NELL1: variants seen among roughly 807,000 people sequenced by gnomAD.
The protein encoded by NELL1 is protein kinase C-binding protein NELL1.
Under a neutral mutation model 107.4 loss-of-function variants are expected in NELL1, and 76 were observed. The ratio of observed to expected loss-of-function variants is 0.71; its 90% CI spans 0.59 to 0.86. The LOEUF (loss-of-function observed/expected upper bound fraction) is 0.86. Among genes scored for constraint, NELL1 ranks in the 40% least tolerant of loss-of-function variants. The pLI is 0.00. For synonymous variants in NELL1, 353 were observed against 341.2 expected (o/e 1.03, Z -0.38); for missense variants, 1,024 against 1,005.5 (o/e 1.02, Z -0.25).
intron 15 of NELL1, among the ~76,000 whole-genome samples, chr11:21,480,746 G>A (rs1444122746): frequency 6.6e-6 from 1 of 152,186 alleles, no homozygotes; most frequent in Non-Finnish European, 1.5e-5. Flanking sequence ...TTGTGCCAGA[G>A]AGGGGCAAAG....
chr11:21,356,604 A>G (rs1286102275), intron 14 of NELL1, among the ~76,000 whole-genome samples: 1 of 152,200 alleles, frequency 6.6e-6, no homozygotes, highest in Admixed American at 6.5e-5. Context: ...CTATATTACT[A>G]GAGCATATAA....
chr11:21,218,783 C>T (rs1857681054), intron 13 of NELL1, among the ~76,000 whole-genome samples: 1 of 152,074 alleles, frequency 6.6e-6, no homozygotes, highest in African/African-American at 2.4e-5. Flanking sequence ...AACATAATGT[C>T]TTCAAAGCTC....
At chr11:20,724,675 C>T (rs939146346) in intron 2 of NELL1, among the ~76,000 whole-genome samples, 15 of 152,180 alleles carry the variant, frequency 9.9e-5, no homozygotes, top group Non-Finnish European at 2.1e-4. Flanking sequence ...GTCTCTAGGA[C>T]ATTCCAAACT....
In NELL1 at chr11:21,453,802, C is replaced by T. The variant is rs867422022; in HGVS notation, c.1646-80572C>T. ...GTTAGCTATAACTCTTTTGTGTTTT[C>T]TTTCCCTTTTTTTTTTTTTTAGATT... On this transcript the variant is annotated intron_variant, in intron 15 of 19. Transcript: ENST00000357134. Among the ~76,000 whole-genome samples the T allele has an allele frequency of 4.6e-3, 634 of 137,662 alleles. 4 individuals are homozygous for T. Among genetic ancestry groups the T allele is most frequent in the Middle Eastern group, 7.6e-3 (2 of 264 alleles). The allele number at this position is 137,662 out of a possible 152,430, so 90.3% of individuals were successfully genotyped here. A position where few individuals can be genotyped will look rare whatever the true frequency, so the allele number is the denominator to read the frequency against.
At chr11:21,343,598 T>C (rs1422320791) in intron 14 of NELL1, among the ~76,000 whole-genome samples, 1 of 152,212 alleles carries the variant, frequency 6.6e-6, no homozygotes, top group East Asian at 1.9e-4. Flanking sequence ...AAACTTCTTC[T>C]GTAAAGAACC....
At chr11:21,242,690 C>T (rs184074993) in intron 14 of NELL1, among the ~76,000 whole-genome samples, 2 of 149,254 alleles carry the variant, frequency 1.3e-5, no homozygotes, top group African/African-American at 4.8e-5. Flanking sequence ...GTTTAAATAA[C>T]TCTCTGTTTG....
chr11:21,307,003 G>A lies in NELL1; in HGVS notation c.1550-63850G>A, dbSNP rs538380774. Among the ~76,000 whole-genome samples, 3 of 152,094 alleles carry A rather than the reference G, an allele frequency of 2.0e-5. No individual in the cohort carries two copies. The South Asian group carries it at 6.2e-4, about 32-fold the overall frequency. ...TATATGTTTGTTTTATGAAGAATTA[G>A]GGTATTGAGTCAATAGCGTGCCTTT... On this transcript the variant is annotated intron_variant, in intron 14 of 19. Transcript: ENST00000357134.
At chr11:21,266,514 T>TA (rs1447561374) in intron 14 of NELL1, among the ~76,000 whole-genome samples, 3 of 152,126 alleles carry the variant, frequency 2.0e-5, no homozygotes, top group Non-Finnish European at 4.4e-5. Flanking sequence ...TAACTTTACT[T>TA]ACCTTTCAAC....
intron 13 of NELL1, among the ~76,000 whole-genome samples, chr11:21,158,966 G>C (rs1193195818): frequency 6.6e-6 from 1 of 151,928 alleles, no homozygotes; most frequent in Non-Finnish European, 1.5e-5. Flanking sequence ...ATAATGATTG[G>C]CCTGTTTTTC....
intron 12 of NELL1, among the ~76,000 whole-genome samples, chr11:21,100,615 A>T (rs778609191): frequency 6.6e-6 from 1 of 152,192 alleles, no homozygotes; most frequent in Non-Finnish European, 1.5e-5. Flanking sequence ...ACTCCAAGGA[A>T]CTGAAAGCAG....
At chr11:21,368,436 T>C (rs1851282277) in intron 14 of NELL1, among the ~76,000 whole-genome samples, 1 of 151,928 alleles carries the variant, frequency 6.6e-6, no homozygotes, top group Non-Finnish European at 1.5e-5. Context: ...AAACCTGCCT[T>C]TGTGAACACC....
chr11:21,154,447 A>T (rs1348108367), intron 13 of NELL1, among the ~76,000 whole-genome samples: 1 of 152,182 alleles, frequency 6.6e-6, no homozygotes, highest in African/African-American at 2.4e-5. Flanking sequence ...AATCCATTAA[A>T]CATTTATTAA....
At chr11:21,164,217 A>G (rs976505758) in intron 13 of NELL1, among the ~76,000 whole-genome samples, 2 of 152,204 alleles carry the variant, frequency 1.3e-5, no homozygotes, top group Admixed American at 1.3e-4. Context: ...AAATAGATGT[A>G]AACTGTGCAT....
At chr11:21,206,980 G>T (rs772964529) in intron 13 of NELL1, among the ~76,000 whole-genome samples, 2 of 152,174 alleles carry the variant, frequency 1.3e-5, no homozygotes, top group African/African-American at 4.8e-5. Flanking sequence ...ACACTGTGGG[G>T]ATGCCTACGT....
intron 2 of NELL1, among the ~76,000 whole-genome samples, chr11:20,726,271 T>C (rs2133915819): frequency 6.6e-6 from 1 of 152,346 alleles, no homozygotes; most frequent in African/African-American, 2.4e-5. Flanking sequence ...ATGGGATTGT[T>C]GCATCAAATG....
At chr11:20,760,534 G>C (rs1475247571) in intron 2 of NELL1, among the ~76,000 whole-genome samples, 2 of 152,166 alleles carry the variant, frequency 1.3e-5, no homozygotes, top group Non-Finnish European at 2.9e-5. Flanking sequence ...TCTAATGACT[G>C]TTGTAGTTTC....
At chr11:20,929,624 G>A (rs1224902269) in intron 9 of NELL1, among the ~76,000 whole-genome samples, 2 of 152,140 alleles carry the variant, frequency 1.3e-5, no homozygotes, top group Admixed American at 6.5e-5. Context: ...AGAGTTGTTA[G>A]TAGGTACAGA....
chr11:20,688,978 G>A (rs1460817606), intron 2 of NELL1, among the ~76,000 whole-genome samples: 1 of 152,068 alleles, frequency 6.6e-6, no homozygotes, highest in East Asian at 1.9e-4. Context: ...GTGTGAGATG[G>A]TATCTCTTTG....
At chr11:20,991,325 G>A (rs1026277462) in intron 12 of NELL1, among the ~76,000 whole-genome samples, 4 of 152,192 alleles carry the variant, frequency 2.6e-5, no homozygotes, top group Non-Finnish European at 5.9e-5. Context: ...TACTGCCACT[G>A]AGATTTCTAA....
Sources: allele counts gnomAD v4.1 joint callset (sites outside exome capture counted in the v4.1 genomes callset), GRCh38; gene constraint gnomAD v4.1.1; transcripts MANE v1.5; gene names NCBI Gene and HGNC (gene_info 2026-07-23, HGNC 2026-07-21).